Variants in MS4A6E observed in about 807,000 individuals in gnomAD.
MS4A6E encodes the protein membrane spanning 4-domains A6E.
Under a neutral mutation model 13.2 loss-of-function variants are expected in MS4A6E, and 8 were observed. That is an observed-to-expected ratio of 0.60 (90% CI 0.35 to 1.09). The LOEUF is 1.09. Among genes scored for constraint, MS4A6E ranks in the 50% least tolerant of loss-of-function variants. The pLI is 0.02. For synonymous variants in MS4A6E, 72 were observed against 67.6 expected (o/e 1.06, Z -0.32); for missense variants, 177 against 171.1 (o/e 1.03, Z -0.19).
At chr11:60,345,895 C>A (rs576957859), downstream of MS4A6E, among the ~76,000 whole-genome samples, 81 of 152,294 alleles carry the variant, frequency 5.3e-4, 1 homozygote, top group Middle Eastern at 0.031. Context: ...AGAATTTTTC[C>A]TGAGATGCCC....
rs2085178031 is a variant in MS4A6E, at chr11:60,334,866, A to AT, written c.-14-10dup. 1.9e-6 allele frequency: 3 copies of AT among 1,611,362 alleles called. No homozygotes were observed. The highest frequency in any genetic ancestry group is 1.1e-5 in the South Asian group (1 of 90,850). ...CTCTGTACTTTTAAGAGCTAAATCTATTTTTTCTTCCGTAGTTGGCAACAC... is the reference window on the plus strand; with the variant it reads ...CTCTGTACTTTTAAGAGCTAAATCTATTTTTTTCTTCCGTAGTTGGCAACAC... On this transcript the variant is annotated splice_polypyrimidine_tract_variant and intron_variant, in intron 1 of 4. Coordinates refer to ENST00000684409, the MANE Select transcript of MS4A6E (RefSeq NM_139249.4).
At chr11:60,338,139 G>T (rs2085201088) in intron 3 of MS4A6E, among the ~76,000 whole-genome samples, 192 bp downstream of exon 3, 1 of 152,220 alleles carries the variant, frequency 6.6e-6, no homozygotes, top group African/African-American at 2.4e-5. Flanking sequence ...GAGTGGAATT[G>T]AAATGTCAGA....
At chr11:60,336,480 G>C (rs1314363051) in intron 2 of MS4A6E, among the ~76,000 whole-genome samples, 2 of 152,162 alleles carry the variant, frequency 1.3e-5, no homozygotes, top group Non-Finnish European at 1.5e-5. Flanking sequence ...GCAGGATGTG[G>C]TCTCGGGGTG....
At chr11:60,344,289 G>A (rs777655029), downstream of MS4A6E, among the ~76,000 whole-genome samples, 32 of 152,164 alleles carry the variant, frequency 2.1e-4, no homozygotes, top group Non-Finnish European at 4.3e-4. Context: ...ACCAGTTGGC[G>A]AAAGTATCTG....
chr11:60,329,152 C>T (rs2085138183), intron 1 of MS4A6E, among the ~76,000 whole-genome samples: 1 of 151,140 alleles, frequency 6.6e-6, no homozygotes, highest in Non-Finnish European at 1.5e-5. Flanking sequence ...TTGCCCCCCA[C>T]CCCCCGACAG....
downstream of MS4A6E, among the ~76,000 whole-genome samples, chr11:60,343,861 G>C (rs980922469): frequency 6.6e-6 from 1 of 152,174 alleles, no homozygotes; most frequent in Admixed American, 6.5e-5. Context: ...ACTGGAGTGT[G>C]ATGTATGCAG....
At position 60,337,792 on chromosome 11, in the gene MS4A6E, G is replaced by T. The variant is rs1229952154; in HGVS notation, c.199G>T (p.Gly67Cys). Reference sequence around the variant, plus strand: ...TCTGAGTGCTCTGTCTGCCCTGGTGGGTTTCATTCTCCTGTCTGTCAACCC... The same window carrying T: ...TCTGAGTGCTCTGTCTGCCCTGGTGTGTTTCATTCTCCTGTCTGTCAACCC... ...SILSALSALV[G>C]FILLSVNPAA... Residue 67 changes from glycine (G) to cysteine (C), a missense_variant, in exon 3 of 5, where the codon GGT becomes TGT. Transcript: ENST00000684409. 6.2e-7 allele frequency: 1 copy of T among 1,613,998 alleles called. No homozygotes were observed. Among genetic ancestry groups the T allele is most frequent in the Non-Finnish European group, 8.5e-7 (1 of 1,180,026 alleles).
chr11:60,332,900 A>G (rs895001565), intron 1 of MS4A6E, among the ~76,000 whole-genome samples: 3 of 152,252 alleles, frequency 2.0e-5, no homozygotes, highest in Admixed American at 2.0e-4. Context: ...TAAATCAGTC[A>G]GAACCAGATG....
At chr11:60,342,190 A>G (rs2085230960), downstream of MS4A6E, among the ~76,000 whole-genome samples, 3 of 78,542 alleles carry the variant, frequency 3.8e-5, no homozygotes, top group African/African-American at 2.1e-4. Context: ...AGAGAGAGAG[A>G]GAGAGAGAGA....
downstream of MS4A6E, among the ~76,000 whole-genome samples, chr11:60,342,177 GTGAGAGAGAGAGAGAGAGA>G (rs1330470768): frequency 2.0e-4 from 6 of 29,278 alleles, no homozygotes; most frequent in African/African-American, 6.0e-4. Flanking sequence ...GTGTGTGTGT[GTGAGAGAGAGAGAGAGAGA>G]GAGAGGGGGG....
chr11:60,332,447 A>C (rs1219321378), intron 1 of MS4A6E, among the ~76,000 whole-genome samples: 1 of 152,188 alleles, frequency 6.6e-6, no homozygotes, highest in African/African-American at 2.4e-5. Context: ...CAAAACAACT[A>C]TCTGAGTTTT....
At position 60,337,843 on chromosome 11, in the gene MS4A6E, C is replaced by T; in HGVS notation, c.250C>T (p.Gln84Ter). 1 of 1,614,172 alleles carries T rather than the reference C, an allele frequency of 6.2e-7. No homozygotes were observed. The highest frequency in any genetic ancestry group is 1.1e-5 in the South Asian group (1 of 91,072). Reference protein sequence around the residue: ...NPAALNPASLQCKLDEKDIPT... With the variant: ...NPAALNPASL ...GGCTGCATTAAATCCTGCCTCATTG[C>T]AGTGTAAGTTGGACGAAAAGGATAT... is the stretch of plus-strand genomic sequence containing the variant. Residue 84 changes from glutamine to a stop codon, truncating the protein, a stop_gained, in exon 3 of 5, where the codon CAG becomes TAG. Coordinates refer to ENST00000684409, the MANE Select transcript of MS4A6E (RefSeq NM_139249.4). LOFTEE classifies it high-confidence loss of function.
intron 3 of MS4A6E, 106 bp downstream of exon 3, chr11:60,338,053 C>CCCA: frequency 8.4e-7 from 1 of 1,194,698 alleles, no homozygotes. Context: ...CTGGTTTGGG[C>CCCA]ATCTGGAGGA....
downstream of MS4A6E, among the ~76,000 whole-genome samples, chr11:60,344,438 A>G (rs1437527464): frequency 6.6e-6 from 1 of 152,210 alleles, no homozygotes; most frequent in African/African-American, 2.4e-5. Flanking sequence ...TTTTTAAGAC[A>G]GATTTCACAA....
At chr11:60,334,818 GT>G in intron 1 of MS4A6E, 63 bp from the exon 2 acceptor site, 1 of 1,563,320 alleles carries the variant, frequency 6.4e-7, no homozygotes, top group Non-Finnish European at 8.7e-7. Context: ...TGACTTACCA[GT>G]TTTGCAGCCA....
At chr11:60,327,436 A>G (rs949080380) in intron 1 of MS4A6E, among the ~76,000 whole-genome samples, 28 bp downstream of exon 1, 10 of 152,184 alleles carry the variant, frequency 6.6e-5, no homozygotes, top group African/African-American at 2.4e-4. Context: ...ATTTTTTATA[A>G]TTACCCAGTT....
At chr11:60,343,152 T>G (rs888682062), downstream of MS4A6E, among the ~76,000 whole-genome samples, 4 of 152,036 alleles carry the variant, frequency 2.6e-5, no homozygotes, top group African/African-American at 9.7e-5. Context: ...AGAGATAAAT[T>G]TTACAAGAAG....
At chr11:60,345,773 T>C (rs935754463), downstream of MS4A6E, among the ~76,000 whole-genome samples, 2 of 152,012 alleles carry the variant, frequency 1.3e-5, no homozygotes, top group Non-Finnish European at 2.9e-5. Context: ...TTTCCCAGGG[T>C]TAATTTGGTG....
At chr11:60,332,587 A>T (rs1237324273) in intron 1 of MS4A6E, among the ~76,000 whole-genome samples, 1 of 152,016 alleles carries the variant, frequency 6.6e-6, no homozygotes, top group Non-Finnish European at 1.5e-5. Flanking sequence ...CTCTTATTTG[A>T]TCTTATGTCA....
Sources: allele counts gnomAD v4.1 joint callset (sites outside exome capture counted in the v4.1 genomes callset), GRCh38; gene constraint gnomAD v4.1.1; transcripts MANE v1.5; gene names NCBI Gene and HGNC (gene_info 2026-07-23, HGNC 2026-07-21).